RAB31: variants seen among roughly 807,000 people sequenced by gnomAD.
RAB31 encodes RAB31, member RAS oncogene family, also known as ras-related protein Rab-31.
Under a neutral mutation model 25.6 loss-of-function variants are expected in RAB31, and 21 were observed. The observed-to-expected ratio is 0.82, with a 90% CI of 0.58 to 1.18. The LOEUF is 1.18. Ranked by LOEUF, RAB31 falls within the 50% of genes most tolerant of loss-of-function variation. RAB31 has a pLI of 0.00. For synonymous variants in RAB31, 87 were observed against 84.0 expected, an observed-to-expected ratio of 1.04 and a Z score of -0.20; for missense variants, 196 against 250.1, an observed-to-expected ratio of 0.78 and a Z score of 1.46.
chr18:9,835,732 T>C (rs765297099), intron 5 of RAB31, among the ~76,000 whole-genome samples: 97 of 152,244 alleles, frequency 6.4e-4, no homozygotes, highest in Non-Finnish European at 1.1e-3. Flanking sequence ...TTTGTTTTTT[T>C]CAAAGAAGTT....
intron 3 of RAB31, among the ~76,000 whole-genome samples, chr18:9,795,782 A>G (rs1329525455): frequency 1.3e-5 from 2 of 152,194 alleles, no homozygotes; most frequent in African/African-American, 4.8e-5. Flanking sequence ...TACACTCTTG[A>G]TGGGATTGTA....
chr18:9,763,196 A>G (rs2068297971), intron 1 of RAB31, among the ~76,000 whole-genome samples: 1 of 152,286 alleles, frequency 6.6e-6, no homozygotes, highest in Non-Finnish European at 1.5e-5. Context: ...TGGCCGTAAC[A>G]TGTGTCCTTG....
At chr18:9,809,691 A>T (rs1379763183) in intron 3 of RAB31, among the ~76,000 whole-genome samples, 1 of 152,210 alleles carries the variant, frequency 6.6e-6, no homozygotes, top group African/African-American at 2.4e-5. Context: ...GCCAAAATTT[A>T]TGTGTCCATT....
At chr18:9,749,844 G>A (rs2068225379) in intron 1 of RAB31, among the ~76,000 whole-genome samples, 1 of 152,174 alleles carries the variant, frequency 6.6e-6, no homozygotes, top group African/African-American at 2.4e-5. Flanking sequence ...GTTCCTCTGG[G>A]ATGCAACATG....
At chr18:9,836,983 C>T (rs545139096) in intron 5 of RAB31, among the ~76,000 whole-genome samples, 8 of 143,838 alleles carry the variant, frequency 5.6e-5, no homozygotes, top group African/African-American at 1.6e-4. Context: ...GTGTGAGGAA[C>T]GGGGTGAAAC....
chr18:9,838,085 C>G (rs1175269869), intron 5 of RAB31, among the ~76,000 whole-genome samples: 1 of 152,160 alleles, frequency 6.6e-6, no homozygotes, highest in Non-Finnish European at 1.5e-5. Context: ...TATGGTGTGC[C>G]CGGCATTATT....
At chr18:9,855,983 T>C (rs2068813986) in intron 6 of RAB31, 1 of 152,120 alleles carries the variant, frequency 6.6e-6, no homozygotes, top group Non-Finnish European at 1.5e-5. Flanking sequence ...CCACATTCGT[T>C]CTATAGGTGA....
intron 1 of RAB31, among the ~76,000 whole-genome samples, chr18:9,737,727 G>T (rs567737671): frequency 6.6e-6 from 1 of 152,216 alleles, no homozygotes; most frequent in South Asian, 2.1e-4. Context: ...AAAATTGCAG[G>T]CTAGAGCAAA....
At chr18:9,769,096 A>C (rs1337551107) in intron 1 of RAB31, among the ~76,000 whole-genome samples, 1 of 152,166 alleles carries the variant, frequency 6.6e-6, no homozygotes, top group Non-Finnish European at 1.5e-5. Flanking sequence ...TGGTTACTGT[A>C]GACTTGTAGT....
At position 9,784,598 on chromosome 18, in the gene RAB31, G is replaced by C. The variant is rs548300257; in HGVS notation, c.120-7556G>C. ...GACAGAGTCTTGCTCTGTCACCCAG[G>C]CTGGAGTATAGTGGTGTGATCTCAG... is the stretch of plus-strand genomic sequence containing the variant. On this transcript the variant is annotated intron_variant, in intron 2 of 6. Transcript: ENST00000578921. Among the ~76,000 whole-genome samples the C allele has an allele frequency of 4.6e-5, 7 of 150,818 alleles. 1 individual carries two copies. In the East Asian group the frequency reaches 1.4e-3, roughly 29 times the overall value.
intron 1 of RAB31, 45 bp from the exon 2 acceptor site, chr18:9,775,233 G>A: frequency 6.2e-7 from 1 of 1,612,774 alleles, no homozygotes; most frequent in Non-Finnish European, 8.5e-7. Flanking sequence ...CAACCTGTGA[G>A]TTGCCGCCCT....
intron 3 of RAB31, among the ~76,000 whole-genome samples, chr18:9,793,538 T>G (rs1055707262): frequency 4.3e-4 from 65 of 151,950 alleles, no homozygotes; most frequent in African/African-American, 1.6e-3. Flanking sequence ...GGTGGGCATC[T>G]GTAGTCCCAG....
rs2067997927 is a variant in RAB31 at position 9,708,513 on chromosome 18, C to T, written c.39+69C>T. 5.1e-6 allele frequency: 7 copies of T among 1,373,338 alleles called. No homozygotes were observed. In the South Asian group the frequency reaches 6.7e-5, roughly 13 times the overall value. The allele number at this position is 1,373,338 out of a possible 1,614,324, so 85.1% of individuals were successfully genotyped here. On this transcript the variant is annotated intron_variant, in intron 1 of 6. Coordinates refer to ENST00000578921, the MANE Select transcript of RAB31 (RefSeq NM_006868.4). This position sits in a 1 kb window ranked among gnomAD's most constrained non-coding sequence, Gnocchi z 6.4. ...CTCGCGCCCCTTCGCTCCCCTATTC[C>T]CTGCGCGCTCAGTCCCCGTGATCCC...
At chr18:9,746,673 A>T (rs1293014383) in intron 1 of RAB31, among the ~76,000 whole-genome samples, 1 of 152,244 alleles carries the variant, frequency 6.6e-6, no homozygotes. Flanking sequence ...GGGAAAAAAT[A>T]GTCTGTTCAA....
chr18:9,811,712 TACTCCC>T (rs1228568610), intron 3 of RAB31, among the ~76,000 whole-genome samples: 1 of 152,212 alleles, frequency 6.6e-6, no homozygotes, highest in Non-Finnish European at 1.5e-5. Flanking sequence ...CACAGAGACA[TACTCCC>T]ACATACATTT....
intron 5 of RAB31, among the ~76,000 whole-genome samples, chr18:9,824,475 G>C (rs756095220): frequency 2.6e-5 from 4 of 151,278 alleles, no homozygotes; most frequent in African/African-American, 4.9e-5. Flanking sequence ...TGTGTGTGTT[G>C]GTGGAACTGA....
intron 1 of RAB31, among the ~76,000 whole-genome samples, chr18:9,732,630 G>C (rs6506685): frequency 6.6e-6 from 1 of 152,110 alleles, no homozygotes; most frequent in South Asian, 2.1e-4. Flanking sequence ...CTACTGCAAG[G>C]ACTTCTTTTT....
intron 1 of RAB31, chr18:9,735,445 C>T (rs1032639875): frequency 9.3e-6 from 2 of 215,972 alleles, no homozygotes; most frequent in African/African-American, 4.6e-5. Context: ...ACCAGCTTTC[C>T]CACATAACCT....
At chr18:9,739,290 C>T (rs779981821) in intron 1 of RAB31, among the ~76,000 whole-genome samples, 33 of 152,156 alleles carry the variant, frequency 2.2e-4, no homozygotes, top group Middle Eastern at 3.4e-3. Context: ...CTGACTAACA[C>T]GGTGAAACTC....
Sources: allele counts gnomAD v4.1 joint callset (sites outside exome capture counted in the v4.1 genomes callset), GRCh38; gene constraint gnomAD v4.1.1; non-coding constraint Gnocchi (gnomAD v3.1); transcripts MANE v1.5; gene names NCBI Gene and HGNC (gene_info 2026-07-23, HGNC 2026-07-21).